The following PTBP3 variants were observed in gnomAD, a reference collection of about 807,000 sequenced individuals.
PTBP3 encodes the protein polypyrimidine tract binding protein 3.
PTBP3 carries 20 observed loss-of-function variants against 58.7 expected under a neutral mutation model. The observed-to-expected ratio is 0.34, with a 90% CI of 0.24 to 0.50. The LOEUF (loss-of-function observed/expected upper bound fraction) is 0.50, where lower values mean the gene tolerates loss of function less well. Among genes scored for constraint, PTBP3 ranks in the 20% least tolerant of loss-of-function variants. The probability of loss-of-function intolerance (pLI) is 0.98; values close to 1 mark genes in which losing one functional copy is unlikely to be tolerated. For synonymous variants in PTBP3, 185 were observed against 219.8 expected, an observed-to-expected ratio of 0.84 and a Z score of 1.40; for missense variants, 509 against 637.2, an observed-to-expected ratio of 0.80 and a Z score of 2.17.
intron 2 of PTBP3, among the ~76,000 whole-genome samples, chr9:112,292,354 G>A (rs2132288833): frequency 6.6e-6 from 1 of 152,306 alleles, no homozygotes; most frequent in South Asian, 2.1e-4. Flanking sequence ...CAGCCACTAT[G>A]AAACACAGTA....
upstream of PTBP3, chr9:112,333,726 C>G (rs1458360718): frequency 2.7e-6 from 1 of 370,934 alleles, no homozygotes; most frequent in African/African-American, 2.2e-5. Context: ...CTCACCGTCC[C>G]CGCCCTCCCT....
chr9:112,224,105 A>G (rs1278153446), intron 13 of PTBP3, 28 bp downstream of exon 13: 4 of 1,559,102 alleles, frequency 2.6e-6, no homozygotes, highest in Non-Finnish European at 3.5e-6. Flanking sequence ...AAATAATTTT[A>G]ATGTATTTCT....
At chr9:112,350,966 T>C in the PTBP3 span, among the ~76,000 whole-genome samples, 3 of 151,954 alleles carry the variant, frequency 2.0e-5, no homozygotes, top group African/African-American at 7.3e-5. Context: ...GCCCAGCTAA[T>C]TTTTGTATTT....
rs146882110 is a variant in PTBP3, at chr9:112,236,205, C to T, written c.803-1308G>A. 2.3e-3 allele frequency among the ~76,000 whole-genome samples: 344 copies of T among 151,388 alleles called. 1 individual carries two copies. The highest frequency in any genetic ancestry group is 8.0e-3 in the African/African-American group (329 of 41,302). On this transcript the variant is annotated intron_variant, in intron 7 of 13. Transcript: ENST00000374257. ...TAATTATAGTAATTCAAGAAAATACCGTCACAAGAGACTGCAGGGATAGAA... is the reference window on the plus strand; with the variant it reads ...TAATTATAGTAATTCAAGAAAATACTGTCACAAGAGACTGCAGGGATAGAA...
intron 1 of PTBP3, among the ~76,000 whole-genome samples, chr9:112,314,647 A>C (rs772500143): frequency 6.6e-6 from 1 of 152,190 alleles, no homozygotes; most frequent in Non-Finnish European, 1.5e-5. Flanking sequence ...AGAGAGCGAG[A>C]CCCTGTCTCA....
At chr9:112,297,770 A>T (rs1828751700) in intron 2 of PTBP3, 62 bp downstream of exon 2, 1 of 1,337,000 alleles carries the variant, frequency 7.5e-7, no homozygotes, top group African/African-American at 1.5e-5. Context: ...AAATAAGAGC[A>T]TTGTAAAAAA....
At chr9:112,378,419 G>A in the PTBP3 span, among the ~76,000 whole-genome samples, 1 of 152,096 alleles carries the variant, frequency 6.6e-6, no homozygotes, top group Non-Finnish European at 1.5e-5. Flanking sequence ...CTCTCTTTCC[G>A]TAACAAATGG....
intron 1 of PTBP3, among the ~76,000 whole-genome samples, chr9:112,312,411 C>T (rs144197150): frequency 3.3e-5 from 5 of 150,184 alleles, no homozygotes; most frequent in Admixed American, 2.0e-4. Flanking sequence ...ACAAGAGGAT[C>T]ACTTGAGCCC....
In PTBP3 at chr9:112,218,832, A is replaced by AT. The variant is rs1834709421; in HGVS notation, c.*5018dup. ...TTCTTTTTTGGCCTTGTTAAAAAAA[A>AT]TGTTGTTACAAATATTTACAGCATT... On this transcript the variant is annotated 3_prime_UTR_variant, in exon 14 of 14. Transcript: ENST00000374257. 6.6e-6 allele frequency: 1 copy of AT among 152,608 alleles called. No homozygotes were observed. The highest frequency in any genetic ancestry group is 2.4e-5 in the African/African-American group (1 of 41,460). The allele number at this position is 152,608 out of a possible 1,614,324, so 9.5% of individuals were successfully genotyped here. A position where few individuals can be genotyped will look rare whatever the true frequency, so the allele number is the denominator to read the frequency against.
At chr9:112,294,042 C>A (rs1359556359) in intron 2 of PTBP3, among the ~76,000 whole-genome samples, 2 of 152,236 alleles carry the variant, frequency 1.3e-5, no homozygotes, top group East Asian at 3.9e-4. Context: ...TTATTCCAGG[C>A]ATGCAATAAT....
At chr9:112,270,326 T>C (rs1338118507) in intron 3 of PTBP3, among the ~76,000 whole-genome samples, 1 of 152,242 alleles carries the variant, frequency 6.6e-6, no homozygotes, top group Non-Finnish European at 1.5e-5. Context: ...GTATTTCCTG[T>C]ATTTTACATG....
At chr9:112,287,878 T>C (rs994601810) in intron 2 of PTBP3, among the ~76,000 whole-genome samples, 1 of 152,180 alleles carries the variant, frequency 6.6e-6, no homozygotes, top group Non-Finnish European at 1.5e-5. Flanking sequence ...AATTCCATCA[T>C]CTCTGTAATT....
intron 2 of PTBP3, among the ~76,000 whole-genome samples, chr9:112,292,852 T>C (rs986578711): frequency 1.3e-5 from 2 of 152,200 alleles, no homozygotes; most frequent in African/African-American, 4.8e-5. Flanking sequence ...AATGTTCCTA[T>C]AGTTAACATT....
At chr9:112,251,650 T>C (rs905646453) in intron 6 of PTBP3, among the ~76,000 whole-genome samples, 2 of 152,134 alleles carry the variant, frequency 1.3e-5, no homozygotes, top group Non-Finnish European at 2.9e-5. Context: ...CTGAGGAAAA[T>C]GTGGAGTCAG....
chr9:112,309,779 C>T (rs1036217072), intron 1 of PTBP3, among the ~76,000 whole-genome samples: 1 of 149,402 alleles, frequency 6.7e-6, no homozygotes, highest in Admixed American at 6.7e-5. Context: ...CAGAGAGAGA[C>T]TCCGTCTCAA....
chr9:112,362,261 C>T, the PTBP3 span, among the ~76,000 whole-genome samples: 1 of 152,114 alleles, frequency 6.6e-6, no homozygotes, highest in Non-Finnish European at 1.5e-5. Context: ...TGCAGTGAGC[C>T]ATGGTTGCAC....
At chr9:112,247,552 CA>C (rs55882131) in intron 7 of PTBP3, among the ~76,000 whole-genome samples, 81,280 of 137,948 alleles carry the variant, frequency 0.59, 24,267 homozygotes, top group African/African-American at 0.81. Flanking sequence ...AAAAAAATGA[CA>C]AAAAAAAAAA....
chr9:112,352,996 G>T, the PTBP3 span, among the ~76,000 whole-genome samples: 1 of 151,946 alleles, frequency 6.6e-6, no homozygotes, highest in Non-Finnish European at 1.5e-5. Flanking sequence ...CACCTCCCGG[G>T]TTCAAGCGAT....
At chr9:112,302,897 ATTC>A (rs1479316993) in intron 1 of PTBP3, among the ~76,000 whole-genome samples, 2 of 152,122 alleles carry the variant, frequency 1.3e-5, no homozygotes, top group East Asian at 1.9e-4. Context: ...GCCTGACTAT[ATTC>A]TTCTTAATGC....
Sources: gnomAD v4.1 joint callset for allele counts (sites outside exome capture counted in the v4.1 genomes callset) on GRCh38, gnomAD v4.1.1 for gene constraint, MANE v1.5 for transcripts, NCBI Gene and HGNC (gene_info 2026-07-23, HGNC 2026-07-21) for gene names.